The following GRM7 variants were observed in gnomAD, a reference collection of about 807,000 sequenced individuals.
GRM7 encodes the protein glutamate metabotropic receptor 7.
Under a neutral mutation model 84.5 loss-of-function variants are expected in GRM7, and 35 were observed. The observed-to-expected ratio is 0.41, with a 90% CI of 0.32 to 0.55. The LOEUF is 0.55. GRM7 is among the 20% of genes least tolerant of loss of function. The pLI is 0.19. For missense variants in GRM7, 1,003 were observed against 1,194.6 expected (o/e 0.84, Z 2.36); for synonymous variants, 487 against 455.1 (o/e 1.07, Z -0.89).
intron 5 of GRM7, among the ~76,000 whole-genome samples, chr3:7,428,837 C>T (rs534114534): frequency 6.6e-6 from 1 of 152,290 alleles, no homozygotes; most frequent in South Asian, 2.1e-4. Context: ...CACACTATAT[C>T]TGTTGTTAAT....
chr3:7,305,620 A>ACCTTTTACTATTTTGGT (rs1700167612), intron 3 of GRM7, among the ~76,000 whole-genome samples: 16 of 45,576 alleles, frequency 3.5e-4, no homozygotes, highest in East Asian at 1.3e-3. Flanking sequence ...TTCTTGCGAT[A>ACCTTTTACTATTTTGGT]GTTTACTGAG....
chr3:7,526,872 T>C (rs1461568924), intron 7 of GRM7, among the ~76,000 whole-genome samples: 1 of 152,024 alleles, frequency 6.6e-6, no homozygotes, highest in Non-Finnish European at 1.5e-5. Flanking sequence ...TCTATATTGT[T>C]TTATTGGCTT....
intron 4 of GRM7, among the ~76,000 whole-genome samples, chr3:7,324,972 C>A (rs1248342046): frequency 2.0e-5 from 3 of 152,188 alleles, no homozygotes. Context: ...TAATTTATCT[C>A]CTCACTTAGC....
intron 4 of GRM7, among the ~76,000 whole-genome samples, chr3:7,329,886 T>C (rs1000594628): frequency 5.3e-5 from 8 of 152,166 alleles, no homozygotes; most frequent in Non-Finnish European, 1.0e-4. Context: ...TGTTTTATTA[T>C]AGAGAAATAT....
intron 4 of GRM7, among the ~76,000 whole-genome samples, chr3:7,320,401 T>C (rs893634876): frequency 4.6e-5 from 7 of 152,034 alleles, no homozygotes; most frequent in African/African-American, 1.7e-4. Context: ...TGGAGAAGTA[T>C]GATTGGACAA....
At chr3:7,305,343 CTTTTTTTTTT>C (rs1258984449) in intron 3 of GRM7, among the ~76,000 whole-genome samples, 1 of 34,984 alleles carries the variant, frequency 2.9e-5, no homozygotes, top group African/African-American at 6.1e-5. Flanking sequence ...TTTTTTTTTT[CTTTTTTTTTT>C]TTTTTAATTA....
intron 2 of GRM7, among the ~76,000 whole-genome samples, chr3:7,171,117 C>CA (rs1295946538): frequency 1.3e-5 from 2 of 152,136 alleles, no homozygotes; most frequent in Non-Finnish European, 2.9e-5. Context: ...TTTATGGACT[C>CA]ACATTCCTGA....
chr3:6,970,782 A>G (rs1435137452), intron 1 of GRM7, among the ~76,000 whole-genome samples: 1 of 152,198 alleles, frequency 6.6e-6, no homozygotes, highest in Non-Finnish European at 1.5e-5. Context: ...GATCGAGACC[A>G]TCCTGGCTAA....
chr3:6,908,860 T>G (rs953207432), intron 1 of GRM7, among the ~76,000 whole-genome samples: 25 of 152,158 alleles, frequency 1.6e-4, no homozygotes, highest in Admixed American at 3.9e-4. Flanking sequence ...GTGGTCTGAC[T>G]GCTGAAGTGA....
chr3:7,520,644 G>C (rs190354508), intron 7 of GRM7, among the ~76,000 whole-genome samples: 7 of 152,114 alleles, frequency 4.6e-5, no homozygotes, highest in African/African-American at 1.7e-4. Flanking sequence ...GTGGATCAGG[G>C]TATAGAAGAC....
intron 1 of GRM7, among the ~76,000 whole-genome samples, chr3:6,900,050 G>A (rs1476532627): frequency 6.6e-6 from 1 of 152,068 alleles, no homozygotes; most frequent in Non-Finnish European, 1.5e-5. Context: ...GCTAATTCAA[G>A]AATCCCAAAA....
chr3:6,955,401 G>C (rs184791345), intron 1 of GRM7, among the ~76,000 whole-genome samples: 4 of 152,078 alleles, frequency 2.6e-5, no homozygotes, highest in African/African-American at 4.8e-5. Flanking sequence ...GCTGGGCATG[G>C]TGGTGGGAGC....
chr3:7,090,516 T>C (rs927178896), intron 1 of GRM7, among the ~76,000 whole-genome samples: 18 of 152,174 alleles, frequency 1.2e-4, no homozygotes, highest in African/African-American at 2.4e-5. Flanking sequence ...CCTTCCCAAA[T>C]TGAAGGCTTC....
At chr3:6,997,530 C>G (rs772815389) in intron 1 of GRM7, among the ~76,000 whole-genome samples, 8 of 152,180 alleles carry the variant, frequency 5.3e-5, no homozygotes, top group Admixed American at 3.9e-4. Flanking sequence ...AACTCACTCA[C>G]TATCATGAGA....
intron 2 of GRM7, among the ~76,000 whole-genome samples, chr3:7,282,987 A>G (rs1184620225): frequency 6.6e-6 from 1 of 152,196 alleles, no homozygotes; most frequent in Non-Finnish European, 1.5e-5. Flanking sequence ...GCCTAATAGT[A>G]AGTAACTTTA....
intron 7 of GRM7, among the ~76,000 whole-genome samples, chr3:7,572,862 ATATATATATATATAT>A (rs1694764771): frequency 8.2e-5 from 4 of 48,898 alleles, no homozygotes; most frequent in African/African-American, 2.7e-4. Context: ...ATATATATAT[ATATATATATATATAT>A]ATAAATAATC....
At chr3:7,198,584 T>A (rs943725267) in intron 2 of GRM7, among the ~76,000 whole-genome samples, 2 of 152,196 alleles carry the variant, frequency 1.3e-5, no homozygotes, top group African/African-American at 4.8e-5. Flanking sequence ...ACACCATACA[T>A]TAGCCTAGCC....
intron 1 of GRM7, among the ~76,000 whole-genome samples, chr3:6,896,194 G>T (rs1386873607): frequency 6.6e-6 from 1 of 152,094 alleles, no homozygotes; most frequent in African/African-American, 2.4e-5. Flanking sequence ...ATGAGATTCT[G>T]CTTTTTTGAT....
chr3:7,287,056 G>T lies in GRM7; in HGVS notation c.737-11628G>T, dbSNP rs184645788. Among the ~76,000 whole-genome samples, 6 of 152,198 alleles carry T rather than the reference G, an allele frequency of 3.9e-5. No individual in the cohort carries two copies. The East Asian group carries it at 1.2e-3, about 29-fold the overall frequency. ...TTCCTGATTCCTGGACAGAAAAATT[G>T]CTCCCCTTCCACCCCCAAAAACTGG... On this transcript the variant is annotated intron_variant, in intron 2 of 9. Coordinates refer to ENST00000357716, the MANE Select transcript of GRM7 (RefSeq NM_000844.4).
Sources: gnomAD v4.1 joint callset for allele counts (sites outside exome capture counted in the v4.1 genomes callset) on GRCh38, gnomAD v4.1.1 for gene constraint, MANE v1.5 for transcripts, NCBI Gene and HGNC (gene_info 2026-07-23, HGNC 2026-07-21) for gene names.